Variants in MROH2A observed in about 807,000 individuals in gnomAD.
MROH2A encodes maestro heat-like repeat-containing protein family member 2A.
Under a neutral mutation model 200.4 loss-of-function variants are expected in MROH2A, and 174 were observed. The observed-to-expected ratio is 0.87, with a 90% CI of 0.77 to 0.98. MROH2A has a LOEUF of 0.98. MROH2A is among the 50% of genes least tolerant of loss of function. MROH2A has a pLI of 0.00. For synonymous variants in MROH2A, 829 were observed against 840.4 expected (o/e 0.99, Z 0.23); for missense variants, 2,045 against 2,139.6 (o/e 0.96, Z 0.87).
intron 14 of MROH2A, among the ~76,000 whole-genome samples, chr2:233,800,530 C>A (rs535519489): frequency 6.6e-6 from 1 of 152,304 alleles, no homozygotes; most frequent in South Asian, 2.1e-4. Context: ...CCCCTAGAGG[C>A]TGGGCAGTGC....
intron 29 of MROH2A, 96 bp from the exon 30 acceptor site, chr2:233,819,221 C>A: frequency 7.9e-7 from 1 of 1,263,630 alleles, no homozygotes; most frequent in Non-Finnish European, 1.1e-6. Flanking sequence ...GGATAGGAGC[C>A]TGGAGTGGGG....
chr2:233,813,798 C>T lies in MROH2A; in HGVS notation c.2760+20C>T, dbSNP rs1478838471. On this transcript the variant is annotated intron_variant, in intron 25 of 41. Transcript: ENST00000389758. ...ATTAAGGTAGGTCCCTCTGGGATGC[C>T]TCATTTGCTGGGTCAGGACCTGGGA... The T allele has an allele frequency of 7.1e-7, 1 of 1,407,590 alleles. No homozygotes were observed. Among genetic ancestry groups the T allele is most frequent in the South Asian group, 1.2e-5 (1 of 80,652 alleles). The allele number at this position is 1,407,590 out of a possible 1,614,324, so 87.2% of individuals were successfully genotyped here. A position where few individuals can be genotyped will look rare whatever the true frequency, so the allele number is the denominator to read the frequency against.
At chr2:233,779,567 A>C in intron 2 of MROH2A, 104 bp from the exon 3 acceptor site, 1 of 1,410,904 alleles carries the variant, frequency 7.1e-7, no homozygotes, top group Non-Finnish European at 9.8e-7. Context: ...ATCATACCAC[A>C]CATGAAGCTG....
At chr2:233,825,943 T>TTGG (rs1704275826) in intron 35 of MROH2A, among the ~76,000 whole-genome samples, 1 of 145,616 alleles carries the variant, frequency 6.9e-6, no homozygotes, top group African/African-American at 2.6e-5. Context: ...TTTTTTTTTT[T>TTGG]GAGACAGGGT....
At chr2:233,806,738 G>T (rs577566964) in intron 19 of MROH2A, among the ~76,000 whole-genome samples, 79 of 152,166 alleles carry the variant, frequency 5.2e-4, no homozygotes, top group African/African-American at 1.8e-3. Context: ...CGTATAACAT[G>T]CCTGCCCTTA....
At chr2:233,791,898 C>T (rs772475179) in intron 5 of MROH2A, among the ~76,000 whole-genome samples, 27 of 151,944 alleles carry the variant, frequency 1.8e-4, no homozygotes, top group Admixed American at 4.6e-4. Flanking sequence ...GGGACAGCAG[C>T]GAGGGGGATT....
intron 3 of MROH2A, among the ~76,000 whole-genome samples, chr2:233,783,308 T>C (rs1262029425): frequency 1.3e-5 from 2 of 152,204 alleles, no homozygotes; most frequent in Admixed American, 6.5e-5. Flanking sequence ...TTTGCTTTTA[T>C]TTAATGTTTG....
In MROH2A at chr2:233,807,552, C is replaced by G. The variant is rs1363583868; in HGVS notation, c.2172+10C>G. The stretch of plus-strand genomic sequence containing the variant: ...TGACTTTGACAGCGAGGTGAGGGTG[C>G]CTGCAGCCTCCTCCTGTCCACCAGA... On this transcript the variant is annotated intron_variant, in intron 20 of 41. Transcript: ENST00000389758. The surrounding 1 kb of genome is among the most constrained non-coding windows in gnomAD (Gnocchi z 4.3). 4 of 1,550,002 alleles carry G rather than the reference C, an allele frequency of 2.6e-6. No homozygotes were observed. The highest frequency in any genetic ancestry group is 3.5e-6 in the Non-Finnish European group (4 of 1,146,840).
chr2:233,831,586 G>A (rs1704756267), intron 39 of MROH2A, 46 bp downstream of exon 39: 3 of 1,534,676 alleles, frequency 2.0e-6, no homozygotes, highest in Non-Finnish European at 2.6e-6. Context: ...GTGGCCACAC[G>A]CTGGCTTGGA....
At chr2:233,787,794 A>ACG (rs55670598) in intron 3 of MROH2A, among the ~76,000 whole-genome samples, 1 of 4,254 alleles carries the variant, frequency 2.4e-4, no homozygotes, top group African/African-American at 1.4e-3. Flanking sequence ...TATCATATAT[A>ACG]ATATATATTA....
chr2:233,821,506 C>G (rs1209390055), intron 31 of MROH2A, among the ~76,000 whole-genome samples: 2 of 152,232 alleles, frequency 1.3e-5, no homozygotes, highest in African/African-American at 4.8e-5. Context: ...TGTTAAATTA[C>G]ATTTAGACTT....
At chr2:233,832,396 GCT>G in intron 40 of MROH2A, 117 bp downstream of exon 40, 1 of 1,013,490 alleles carries the variant, frequency 9.9e-7, no homozygotes, top group South Asian at 1.5e-5. Context: ...TGAGACCAGA[GCT>G]CAGGTCTAAG....
rs192706104 is a variant in MROH2A, at chr2:233,781,161, T to C, written c.276+1309T>C. 1.9e-3 allele frequency among the ~76,000 whole-genome samples: 283 copies of C among 152,318 alleles called. 1 individual carries two copies. Among genetic ancestry groups the C allele is most frequent in the Non-Finnish European group, 3.1e-3 (211 of 68,016 alleles). On this transcript the variant is annotated intron_variant, in intron 3 of 41. Transcript: ENST00000389758. ...TTGATGGGTACTTACGTTGATTCCA[T>C]ATCTTGGCTATTGTGAATAGTACTG... is the stretch of plus-strand genomic sequence containing the variant.
chr2:233,808,816 G>T (rs1217219135), intron 21 of MROH2A, among the ~76,000 whole-genome samples: 2 of 152,208 alleles, frequency 1.3e-5, no homozygotes, highest in Non-Finnish European at 2.9e-5. Context: ...AGCAGCCTCT[G>T]TTTAGGGGTG....
intron 31 of MROH2A, 111 bp from the exon 32 acceptor site, chr2:233,822,013 T>C: frequency 1.5e-6 from 2 of 1,309,384 alleles, no homozygotes; most frequent in Non-Finnish European, 1.0e-6. Context: ...TGAGATTCAG[T>C]CCCCAGAGTC....
intron 23 of MROH2A, 21 bp from the exon 24 acceptor site, chr2:233,811,859 C>A: frequency 1.3e-6 from 2 of 1,535,986 alleles, no homozygotes; most frequent in South Asian, 1.2e-5. Context: ...AAAGCCACCA[C>A]CCCCTGCTTG....
chr2:233,807,974 C>T lies in MROH2A; in HGVS notation c.2295+119C>T. The T allele has an allele frequency of 7.9e-7, 1 of 1,273,688 alleles. No homozygotes were observed. The highest frequency in any genetic ancestry group is 1.1e-6 in the Non-Finnish European group (1 of 914,146). The allele number at this position is 1,273,688 out of a possible 1,614,324, so 78.9% of individuals were successfully genotyped here. A position where few individuals can be genotyped will look rare whatever the true frequency, so the allele number is the denominator to read the frequency against. ...ACTTGCCTCACACGGAGTCTCCTGTCATCAAAATGGCTGAGACATTGTCTT... is the reference window on the plus strand; with the variant it reads ...ACTTGCCTCACACGGAGTCTCCTGTTATCAAAATGGCTGAGACATTGTCTT... On this transcript the variant is annotated intron_variant, in intron 21 of 41. Coordinates refer to ENST00000389758, the MANE Select transcript of MROH2A (RefSeq NM_001394639.1). This position sits in a 1 kb window ranked among gnomAD's most constrained non-coding sequence, Gnocchi z 4.3.
rs115881076 is a variant in MROH2A at position 233,789,678 on chromosome 2, G to A, written c.408+50G>A. On this transcript the variant is annotated intron_variant, in intron 4 of 41. Transcript: ENST00000389758. ...CCTTCCCTCTGCCAGCCCAGGAGCT[G>A]GGCCACGGGGGGCCTGGCCCAGGAT... 1.6e-3 allele frequency: 2,298 copies of A among 1,440,210 alleles called. 31 individuals carry two copies. The African/African-American group carries it at 0.028, about 17-fold the overall frequency. The allele number at this position is 1,440,210 out of a possible 1,614,324, so 89.2% of individuals were successfully genotyped here. A position where few individuals can be genotyped will look rare whatever the true frequency, so the allele number is the denominator to read the frequency against.
chr2:233,811,847 CA>C, intron 23 of MROH2A, 32 bp from the exon 24 acceptor site: 1 of 1,507,154 alleles, frequency 6.6e-7, no homozygotes, highest in Non-Finnish European at 9.0e-7. Context: ...TCATGGTCAC[CA>C]AAAGCCACCA....
Sources: gnomAD v4.1 joint callset for allele counts (sites outside exome capture counted in the v4.1 genomes callset) on GRCh38, gnomAD v4.1.1 for gene constraint, Gnocchi (gnomAD v3.1) non-coding constraint, MANE v1.5 for transcripts, NCBI Gene and HGNC (gene_info 2026-07-23, HGNC 2026-07-21) for gene names.